ANO3: variants seen among roughly 807,000 people sequenced by gnomAD.
ANO3 encodes the protein anoctamin 3.
A neutral mutation model predicts 144.8 loss-of-function variants in ANO3; 99 were observed. That is an observed-to-expected ratio of 0.68 (90% CI 0.58 to 0.81). ANO3 has a LOEUF of 0.81. Among genes scored for constraint, ANO3 ranks in the 30% least tolerant of loss-of-function variants. ANO3 has a pLI of 0.00. For missense variants in ANO3, 905 were observed against 1,202.2 expected, an observed-to-expected ratio of 0.75 and a Z score of 3.66; for synonymous variants, 414 against 392.6, an observed-to-expected ratio of 1.05 and a Z score of -0.64.
chr11:26,389,509 C>T (rs538015594), intron 1 of ANO3, among the ~76,000 whole-genome samples: 3 of 151,802 alleles, frequency 2.0e-5, no homozygotes, highest in South Asian at 4.2e-4. Flanking sequence ...TATATATATG[C>T]CGTTTTAGTC....
chr11:26,384,044 C>T (rs1481586642), intron 1 of ANO3, among the ~76,000 whole-genome samples: 5 of 151,038 alleles, frequency 3.3e-5, no homozygotes, highest in Non-Finnish European at 5.9e-5. Flanking sequence ...ATTACAGGCG[C>T]GTGCCACCAT....
chr11:26,399,724 CT>C (rs891561118), intron 1 of ANO3, among the ~76,000 whole-genome samples: 2 of 152,106 alleles, frequency 1.3e-5, no homozygotes, highest in African/African-American at 2.4e-5. Flanking sequence ...AGTCCCTCCC[CT>C]GCCCCTGCCC....
intron 1 of ANO3, among the ~76,000 whole-genome samples, chr11:26,311,010 T>C (rs1417938796): frequency 6.6e-6 from 1 of 152,144 alleles, no homozygotes; most frequent in Non-Finnish European, 1.5e-5. Context: ...GGCTTTCTCA[T>C]ATTAAATAAT....
chr11:26,498,759 G>C (rs910502470), intron 4 of ANO3, among the ~76,000 whole-genome samples: 3 of 151,578 alleles, frequency 2.0e-5, no homozygotes, highest in African/African-American at 7.3e-5. Flanking sequence ...GAACGAACTA[G>C]TATTCTGCTT....
At chr11:26,443,977 AG>A (rs1858619425) in intron 3 of ANO3, 141 bp downstream of exon 3, 1 of 481,688 alleles carries the variant, frequency 2.1e-6, no homozygotes, top group Non-Finnish European at 3.6e-6. Flanking sequence ...TAATATTCTG[AG>A]GTTAAGAAAT....
chr11:26,264,640 TC>T (rs1853266927), intron 1 of ANO3, among the ~76,000 whole-genome samples: 1 of 152,154 alleles, frequency 6.6e-6, no homozygotes, highest in Non-Finnish European at 1.5e-5. Flanking sequence ...AAATTTATTT[TC>T]CCTCAGTCCT....
intron 1 of ANO3, among the ~76,000 whole-genome samples, chr11:26,266,729 G>A (rs570177789): frequency 1.3e-5 from 2 of 150,326 alleles, no homozygotes; most frequent in Non-Finnish European, 3.0e-5. Flanking sequence ...CACCGTGCCC[G>A]GCCACCAAAT....
chr11:26,594,685 A>T (rs1166966196), intron 14 of ANO3, among the ~76,000 whole-genome samples: 1 of 151,878 alleles, frequency 6.6e-6, no homozygotes, highest in Non-Finnish European at 1.5e-5. Flanking sequence ...GGTCTTTATT[A>T]GTTGGGGAAG....
intron 1 of ANO3, among the ~76,000 whole-genome samples, chr11:26,311,634 T>C (rs557480596): frequency 6.6e-6 from 1 of 152,202 alleles, no homozygotes; most frequent in Non-Finnish European, 1.5e-5. Context: ...CTAAGTTGAC[T>C]TTTCAAAAAC....
chr11:26,438,609 G>GAAAAAAAAA (rs1222012718), intron 1 of ANO3, among the ~76,000 whole-genome samples: 1 of 73,300 alleles, frequency 1.4e-5, no homozygotes, highest in Non-Finnish European at 2.4e-5. Context: ...AAAAAAAAAA[G>GAAAAAAAAA]AAAAAAAAAA....
intron 13 of ANO3, among the ~76,000 whole-genome samples, chr11:26,554,607 T>C (rs1255652908): frequency 6.6e-6 from 1 of 152,158 alleles, no homozygotes; most frequent in Non-Finnish European, 1.5e-5. Flanking sequence ...GGTCAATCTT[T>C]ATGAATTTTA....
chr11:26,509,979 C>G (rs1189013249), intron 5 of ANO3, among the ~76,000 whole-genome samples: 1 of 151,724 alleles, frequency 6.6e-6, no homozygotes, highest in Admixed American at 6.6e-5. Context: ...CCATCTCTTA[C>G]AAAAAGTAGC....
chr11:26,615,414 ATTT>A (rs66840659), intron 17 of ANO3, among the ~76,000 whole-genome samples: 4,103 of 130,668 alleles, frequency 0.031, 65 homozygotes, highest in Middle Eastern at 0.046. Flanking sequence ...ATATATATAT[ATTT>A]TTTTTTTTTC....
chr11:26,362,462 GGATGACC>G (rs1855953474), intron 1 of ANO3, among the ~76,000 whole-genome samples: 1 of 152,100 alleles, frequency 6.6e-6, no homozygotes, highest in Admixed American at 6.5e-5. Flanking sequence ...TTATCTTAAA[GGATGACC>G]TATGGCAAGT....
At chr11:26,348,524 A>T (rs1025969557) in intron 1 of ANO3, among the ~76,000 whole-genome samples, 1 of 152,248 alleles carries the variant, frequency 6.6e-6, no homozygotes, top group African/African-American at 2.4e-5. Flanking sequence ...GCTTAATATT[A>T]TAAAGATGGC....
chr11:26,413,054 A>G (rs2133988180), intron 1 of ANO3, among the ~76,000 whole-genome samples: 1 of 152,014 alleles, frequency 6.6e-6, no homozygotes, highest in Middle Eastern at 3.4e-3. Context: ...TGAGAGCTGG[A>G]ACATATTTTT....
intron 1 of ANO3, among the ~76,000 whole-genome samples, chr11:26,246,530 A>C (rs1243824324): frequency 6.7e-6 from 1 of 148,922 alleles, no homozygotes; most frequent in South Asian, 2.1e-4. Flanking sequence ...GCTATCTGTA[A>C]GTTTTCATGT....
chr11:26,571,877 T>TA (rs1414504037), intron 14 of ANO3, among the ~76,000 whole-genome samples: 1 of 152,148 alleles, frequency 6.6e-6, no homozygotes, highest in African/African-American at 2.4e-5. Flanking sequence ...CATTACTTAA[T>TA]AAAACAACTA....
chr11:26,591,370 G>A (rs1330145790), intron 14 of ANO3, among the ~76,000 whole-genome samples: 1 of 152,182 alleles, frequency 6.6e-6, no homozygotes, highest in Admixed American at 6.5e-5. Flanking sequence ...GGGCTAGCAG[G>A]CTGGTCCAGG....
Sources: gnomAD v4.1 joint callset for allele counts (sites outside exome capture counted in the v4.1 genomes callset) on GRCh38, gnomAD v4.1.1 for gene constraint, MANE v1.5 for transcripts, NCBI Gene and HGNC (gene_info 2026-07-23, HGNC 2026-07-21) for gene names.